Variants in NPY1R observed in about 807,000 individuals in gnomAD.
NPY1R encodes neuropeptide Y receptor Y1, also known as neuropeptide Y receptor type 1.
Under a neutral mutation model 24.1 loss-of-function variants are expected in NPY1R, and 10 were observed. That is an observed-to-expected ratio of 0.42 (90% CI 0.26 to 0.71). The LOEUF (loss-of-function observed/expected upper bound fraction) is 0.71. Among genes scored for constraint, NPY1R ranks in the 30% least tolerant of loss-of-function variants. The pLI is 0.28. For synonymous variants in NPY1R, 168 were observed against 165.9 expected (o/e 1.01, Z -0.10); for missense variants, 350 against 458.0 (o/e 0.76, Z 2.15).
At position 163,326,282 on chromosome 4, in the gene NPY1R, G is replaced by A; in HGVS notation, c.273C>T (p.Ile91=). Residue 91 remains isoleucine, a synonymous_variant, in exon 2 of 3, where the codon ATC becomes ATT. Transcript: ENST00000296533. ...AGACAAATGTAAAGGGGAGACACAT[G>A]ATGGCAACAAGCAAGTCTGAGAAGG... is the stretch of plus-strand genomic sequence containing the variant. The part of the protein sequence containing the change: ...NLSFSDLLVA[I]MCLPFTFVYT... 6.2e-7 allele frequency: 1 copy of A among 1,614,148 alleles called. No homozygotes were observed. The highest frequency in any genetic ancestry group is 1.1e-5 in the South Asian group (1 of 91,082).
intron 1 of NPY1R, among the ~76,000 whole-genome samples, chr4:163,330,108 C>A (rs2110795898): frequency 6.6e-6 from 1 of 152,148 alleles, no homozygotes; most frequent in Admixed American, 6.5e-5. Context: ...GGACAGAGAC[C>A]AAGATGTATA....
At chr4:163,334,792 A>G (rs948342711), upstream of NPY1R, among the ~76,000 whole-genome samples, 10 of 150,798 alleles carry the variant, frequency 6.6e-5, no homozygotes, top group Middle Eastern at 6.8e-3. Context: ...CCCAAGAGGC[A>G]GAGGTTGCAG....
chr4:163,325,220 G>A lies in NPY1R; in HGVS notation c.*83C>T, dbSNP rs1734575384. 4.2e-6 allele frequency: 4 copies of A among 961,370 alleles called. No homozygotes were observed. In the East Asian group the frequency reaches 9.6e-5, roughly 23 times the overall value. The allele number at this position is 961,370 out of a possible 1,614,324, so 59.6% of individuals were successfully genotyped here. A position where few individuals can be genotyped will look rare whatever the true frequency, so the allele number is the denominator to read the frequency against. On this transcript the variant is annotated 3_prime_UTR_variant, in exon 3 of 3. Transcript: ENST00000296533. Reference sequence around the variant, plus strand: ...TCAAATGATTTCAACCCCATTCCTTGGGAGAACAGGTAATCAAAGTATGTT... The same window carrying A: ...TCAAATGATTTCAACCCCATTCCTTAGGAGAACAGGTAATCAAAGTATGTT...
upstream of NPY1R, among the ~76,000 whole-genome samples, chr4:163,337,504 C>T (rs1043654023): frequency 1.3e-5 from 2 of 152,146 alleles, no homozygotes; most frequent in Non-Finnish European, 2.9e-5. Flanking sequence ...CAATAGTTCT[C>T]CAACCCAGCT....
At position 163,325,360 on chromosome 4, in the gene NPY1R, T is replaced by C. The variant is rs752011770; in HGVS notation, c.1098A>G (p.Gln366=). The change falls in exon 3 of 3, where the codon CAA becomes CAG. Residue 366 remains glutamine, a synonymous_variant. Transcript: ENST00000296533. ...TTTTTTTAAATGCGACTGGGCTTGC[T>C]TGCTTCAAAGAAGTTTTGGAAACAT... ...HTDVSKTSLK[Q]ASPVAFKKIN... The C allele has an allele frequency of 6.2e-7, 1 of 1,614,032 alleles. No homozygotes were observed. Among genetic ancestry groups the C allele is most frequent in the Non-Finnish European group, 8.5e-7 (1 of 1,179,952 alleles).
intron 1 of NPY1R, among the ~76,000 whole-genome samples, chr4:163,329,153 T>C (rs947038310): frequency 3.3e-5 from 5 of 152,222 alleles, no homozygotes; most frequent in African/African-American, 1.2e-4. Context: ...CAAATATTAA[T>C]TAAACATTTA....
upstream of NPY1R, among the ~76,000 whole-genome samples, chr4:163,336,105 G>A (rs774857925): frequency 6.6e-6 from 1 of 152,106 alleles, no homozygotes; most frequent in South Asian, 2.1e-4. Context: ...ACTATTTGTG[G>A]ATTTTCTCTT....
intron 1 of NPY1R, among the ~76,000 whole-genome samples, chr4:163,342,872 A>G (rs149816912): frequency 6.6e-6 from 1 of 152,234 alleles, no homozygotes; most frequent in East Asian, 1.9e-4. Flanking sequence ...ATTAAAGGGT[A>G]CAATAACTAC....
intron 1 of NPY1R, among the ~76,000 whole-genome samples, chr4:163,342,985 CA>C (rs1735038818): frequency 3.9e-4 from 2 of 5,164 alleles, no homozygotes; most frequent in African/African-American, 5.7e-4. Context: ...CTCACAGACA[CA>C]CACACACACA....
rs1447554857 is a variant in NPY1R, at chr4:163,325,060, A to G, written c.*243T>C. 2.1e-6 allele frequency: 1 copy of G among 466,958 alleles called. No homozygotes were observed. The highest frequency in any genetic ancestry group is 2.0e-5 in the African/African-American group (1 of 51,194). The allele number at this position is 466,958 out of a possible 1,614,324, so 28.9% of individuals were successfully genotyped here. A position where few individuals can be genotyped will look rare whatever the true frequency, so the allele number is the denominator to read the frequency against. The stretch of plus-strand genomic sequence containing the variant: ...GTCTTTATATTATATGCATAAATTC[A>G]CAAAAAGCACTTCAAAGATGTCTGG... On this transcript the variant is annotated 3_prime_UTR_variant, in exon 3 of 3. Coordinates refer to ENST00000296533, the MANE Select transcript of NPY1R (RefSeq NM_000909.6).
intron 1 of NPY1R, among the ~76,000 whole-genome samples, chr4:163,331,985 C>G (rs766619888): frequency 6.6e-6 from 1 of 152,172 alleles, no homozygotes; most frequent in Non-Finnish European, 1.5e-5. Context: ...CGACACCTGC[C>G]GCGGGACCCG....
chr4:163,342,815 G>C lies in NPY1R; in HGVS notation c.-152+1490C>G, dbSNP rs1735024552. On this transcript the variant is annotated intron_variant, in intron 1 of 1. Transcript: ENST00000511901. ...CAGTTCTCTTCGGTTTATCCCACAC[G>C]ACTCTACTCAGCAGGAGATGCTGTC... Among the ~76,000 whole-genome samples the C allele has an allele frequency of 1.3e-5, 2 of 152,056 alleles. 1 individual carries two copies. Among genetic ancestry groups the C allele is most frequent in the South Asian group, 4.1e-4 (2 of 4,824 alleles).
At chr4:163,333,418 T>G (rs1337856741), upstream of NPY1R, among the ~76,000 whole-genome samples, 3 of 152,242 alleles carry the variant, frequency 2.0e-5, no homozygotes, top group Admixed American at 6.5e-5. Context: ...ATCTTAGATG[T>G]TTTACCTGAT....
chr4:163,332,219 C>T (rs1392349564), intron 1 of NPY1R, among the ~76,000 whole-genome samples: 1 of 152,174 alleles, frequency 6.6e-6, no homozygotes, highest in Non-Finnish European at 1.5e-5. Context: ...CAGAAATTCC[C>T]CGGGAGCAGG....
In NPY1R at chr4:163,325,257, T is replaced by C. The variant is rs1315231252; in HGVS notation, c.*46A>G. On this transcript the variant is annotated 3_prime_UTR_variant, in exon 3 of 3. Coordinates refer to ENST00000296533, the MANE Select transcript of NPY1R (RefSeq NM_000909.6). ...AATCAAAGTATGTTGCAGGTTGTGC[T>C]TGTTTTTAAACAGATGTCATCCGGG... is the stretch of plus-strand genomic sequence containing the variant. The C allele has an allele frequency of 1.5e-6, 2 of 1,370,128 alleles. No homozygotes were observed. Among genetic ancestry groups the C allele is most frequent in the East Asian group, 4.6e-5 (2 of 43,492 alleles). The allele number at this position is 1,370,128 out of a possible 1,614,324, so 84.9% of individuals were successfully genotyped here. A position where few individuals can be genotyped will look rare whatever the true frequency, so the allele number is the denominator to read the frequency against.
At position 163,325,499 on chromosome 4, in the gene NPY1R, T is replaced by C. The variant is rs1403189892; in HGVS notation, c.959A>G (p.Tyr320Cys). The C allele has an allele frequency of 1.2e-6, 2 of 1,613,900 alleles. No individual in the cohort carries two copies. Among genetic ancestry groups the C allele is most frequent in the African/African-American group, 1.3e-5 (1 of 74,898 alleles). ...CTGGAAGTTTTTGTTCAGGAACCCA[T>C]AAAATATGGGGTTGACACAAGTGGA... ...MISTCVNPIF[Y>C]GFLNKNFQRD... The change falls in exon 3 of 3, where the codon TAT becomes TGT. Residue 320 changes from tyrosine (Y) to cysteine (C), a missense_variant. Transcript: ENST00000296533.
upstream of NPY1R, among the ~76,000 whole-genome samples, chr4:163,337,547 C>T (rs1734870722): frequency 6.6e-6 from 1 of 152,156 alleles, no homozygotes; most frequent in Admixed American, 6.5e-5. Context: ...CAGCCTGTCC[C>T]GCTGAGGTTT....
intron 1 of NPY1R, among the ~76,000 whole-genome samples, chr4:163,338,443 C>G (rs1299692751): frequency 6.6e-6 from 1 of 152,170 alleles, no homozygotes; most frequent in Non-Finnish European, 1.5e-5. Context: ...TCAGAGGACT[C>G]TGACCCAGAG....
chr4:163,336,561 C>T (rs188893303), upstream of NPY1R, among the ~76,000 whole-genome samples: 5 of 152,336 alleles, frequency 3.3e-5, no homozygotes, highest in Admixed American at 3.3e-4. Context: ...CCCAAAATCT[C>T]AAGCTTGGTA....
Sources: allele counts gnomAD v4.1 joint callset (sites outside exome capture counted in the v4.1 genomes callset), GRCh38; gene constraint gnomAD v4.1.1; transcripts MANE v1.5; gene names NCBI Gene and HGNC (gene_info 2026-07-23, HGNC 2026-07-21).